Variants in GTF2H5 observed in about 807,000 individuals in gnomAD.
The protein encoded by GTF2H5 is general transcription factor IIH subunit 5, also known as TFB5 ortholog.
In GTF2H5, 5 loss-of-function variants were observed where a neutral mutation model predicts 7.1. The observed-to-expected ratio is 0.71, with a 90% CI of 0.37 to 1.49. The LOEUF (loss-of-function observed/expected upper bound fraction) is 1.49. Among genes scored for constraint, GTF2H5 ranks in the 40% most tolerant of loss-of-function variants. The pLI is 0.03. For synonymous variants in GTF2H5, 30 were observed against 31.7 expected (o/e 0.95, Z 0.18); for missense variants, 80 against 83.0 (o/e 0.96, Z 0.14).
intron 2 of GTF2H5, among the ~76,000 whole-genome samples, chr6:158,183,304 G>C (rs1786034482): frequency 6.6e-6 from 1 of 152,158 alleles, no homozygotes; most frequent in Admixed American, 6.5e-5. Flanking sequence ...AGCCCCTACT[G>C]GGAGGTGTCT....
rs71027386 is a variant in GTF2H5 at position 158,169,714 on chromosome 6, A to ATATATTG, written c.-34-750_-34-749insGTATATT. Reference sequence around the variant, plus strand: ...TATATTATATAATATATTGTATATTATATATTATATAATATATTGTATATT... The same window carrying ATATATTG: ...TATATTATATAATATATTGTATATTATATATTGTATATTATATAATATATTGTATATT... On this transcript the variant is annotated intron_variant, in intron 1 of 2. Coordinates refer to ENST00000607778, the MANE Select transcript of GTF2H5 (RefSeq NM_207118.3). Among the ~76,000 whole-genome samples the ATATATTG allele has an allele frequency of 4.1e-5, 2 of 48,584 alleles. 1 individual carries two copies. Among genetic ancestry groups the ATATATTG allele is most frequent in the East Asian group, 1.1e-3 (2 of 1,812 alleles). 31.9% of individuals were successfully genotyped at this position (48,584 alleles called of 152,430 possible). A position where few individuals can be genotyped will look rare whatever the true frequency, so the allele number is the denominator to read the frequency against.
rs1055973135 is a variant in GTF2H5 at position 158,179,014 on chromosome 6, AT to A, written c.35+8481del. Reference sequence around the variant, plus strand: ...TAAGTCTTTGATCCATCTTGAGTTGATTTTTGTATAAGGTGTAAGGAAAGGG... The same window carrying A: ...TAAGTCTTTGATCCATCTTGAGTTGATTTTGTATAAGGTGTAAGGAAAGGG... On this transcript the variant is annotated intron_variant, in intron 2 of 2. Transcript: ENST00000607778. Among the ~76,000 whole-genome samples, 22 of 152,206 alleles carry A rather than the reference AT, an allele frequency of 1.4e-4. 1 individual carries two copies. The South Asian group carries it at 2.5e-3, about 17-fold the overall frequency.
chr6:158,169,507 TTG>T (rs1318506762), intron 1 of GTF2H5, among the ~76,000 whole-genome samples: 3 of 57,952 alleles, frequency 5.2e-5, no homozygotes, highest in Non-Finnish European at 8.3e-5. Flanking sequence ...ATATAATATA[TTG>T]TATATTATAT....
At chr6:158,183,143 G>T (rs1282657011) in intron 2 of GTF2H5, among the ~76,000 whole-genome samples, 2 of 152,164 alleles carry the variant, frequency 1.3e-5, no homozygotes, top group African/African-American at 4.8e-5. Context: ...ACCCTCAGCT[G>T]CAGGTCTGTT....
Position 158,192,060 on chromosome 6 carries a change from ACACT to A in GTF2H5, c.123_126del (p.His42SerfsTer3). On this transcript the variant is annotated frameshift_variant, in exon 3 of 3. Coordinates refer to ENST00000607778, the MANE Select transcript of GTF2H5 (RefSeq NM_207118.3). LOFTEE classifies it high-confidence loss of function. ...AAGTTCATCATTCAAGACATTGATG[ACACT>A]CACGTCTTTGTAATAGCAGAATTGG... 1 of 1,613,026 alleles carries A rather than the reference ACACT, an allele frequency of 6.2e-7. No homozygotes were observed.
intron 2 of GTF2H5, among the ~76,000 whole-genome samples, chr6:158,175,189 A>G (rs535852649): frequency 1.3e-5 from 2 of 152,298 alleles, no homozygotes; most frequent in Admixed American, 6.5e-5. Context: ...GAGCCTCTCT[A>G]TTCCTACAGT....
In GTF2H5 at chr6:158,192,348, A is replaced by G. The variant is rs1777042230; in HGVS notation, c.*191A>G. 1.8e-6 allele frequency: 1 copy of G among 564,728 alleles called. No homozygotes were observed. Among genetic ancestry groups the G allele is most frequent in the Non-Finnish European group, 3.1e-6 (1 of 317,902 alleles). 35.0% of individuals were successfully genotyped at this position (564,728 alleles called of 1,614,324 possible). A position where few individuals can be genotyped will look rare whatever the true frequency, so the allele number is the denominator to read the frequency against. On this transcript the variant is annotated 3_prime_UTR_variant, in exon 3 of 3. Transcript: ENST00000607778. The stretch of plus-strand genomic sequence containing the variant: ...ATTTTGTTACCATAGAATTTAAAAA[A>G]AAAAAAAGCTTTAACAGTTGGCTGT...
At chr6:158,169,712 T>TTATATATTATATAATATATTGTATAA (rs1785797888) in intron 1 of GTF2H5, among the ~76,000 whole-genome samples, 3 of 67,860 alleles carry the variant, frequency 4.4e-5, no homozygotes, top group African/African-American at 7.9e-5. Flanking sequence ...ATATTGTATA[T>TTATATATTATATAATATATTGTATAA]TATATATTAT....
intron 2 of GTF2H5, among the ~76,000 whole-genome samples, chr6:158,182,452 T>A (rs1318349698): frequency 6.6e-6 from 1 of 152,228 alleles, no homozygotes; most frequent in Non-Finnish European, 1.5e-5. Flanking sequence ...TTCTCCTGGA[T>A]AATATCCTGA....
intron 2 of GTF2H5, among the ~76,000 whole-genome samples, chr6:158,171,817 T>C (rs1454977062): frequency 2.0e-5 from 3 of 152,154 alleles, no homozygotes; most frequent in African/African-American, 7.2e-5. Flanking sequence ...GACTAGAATG[T>C]ACGTTGATGA....
chr6:158,181,720 T>A (rs9365967), intron 2 of GTF2H5, among the ~76,000 whole-genome samples: 56,592 of 151,398 alleles, frequency 0.37, 11,809 homozygotes, highest in African/African-American at 0.55. Context: ...TTTGCTTTGC[T>A]TTCGCTTGGT....
intron 1 of GTF2H5, among the ~76,000 whole-genome samples, chr6:158,168,966 G>T (rs971563262): frequency 1.2e-4 from 18 of 151,946 alleles, no homozygotes; most frequent in Non-Finnish European, 1.8e-4. Context: ...TGGCGCGGTG[G>T]CTCACACCTG....
In GTF2H5 at chr6:158,197,912, C is replaced by A. The variant is rs1777137284; in HGVS notation, c.*5755C>A. On this transcript the variant is annotated 3_prime_UTR_variant, in exon 3 of 3. Transcript: ENST00000607778. Reference sequence around the variant, plus strand: ...GGTTAATTTCCCAGGACCCTCAGTTCTTTAGGGATAGACTGAATGGCTGGT... The same window carrying A: ...GGTTAATTTCCCAGGACCCTCAGTTATTTAGGGATAGACTGAATGGCTGGT... The A allele has an allele frequency of 6.6e-6, 1 of 152,194 alleles. No individual in the cohort carries two copies. The highest frequency in any genetic ancestry group is 1.5e-5 in the Non-Finnish European group (1 of 68,044). The allele number at this position is 152,194 out of a possible 1,614,324, so 9.4% of individuals were successfully genotyped here.
rs188232776 is a variant in GTF2H5, at chr6:158,169,550, T to A, written c.-34-920T>A. Among the ~76,000 whole-genome samples, 132 of 58,186 alleles carry A rather than the reference T, an allele frequency of 2.3e-3. 3 individuals are homozygous for A. The highest frequency in any genetic ancestry group is 5.4e-3 in the African/African-American group (71 of 13,156). 38.2% of individuals were successfully genotyped at this position (58,186 alleles called of 152,430 possible). On this transcript the variant is annotated intron_variant, in intron 1 of 2. Transcript: ENST00000607778. Reference sequence around the variant, plus strand: ...ATACAGTATATTATATATAATATACTGTATATTATATATAATATATTGTAT... The same window carrying A: ...ATACAGTATATTATATATAATATACAGTATATTATATATAATATATTGTAT...
At chr6:158,184,240 A>C (rs1308588006) in intron 2 of GTF2H5, among the ~76,000 whole-genome samples, 1 of 152,042 alleles carries the variant, frequency 6.6e-6, no homozygotes, top group African/African-American at 2.4e-5. Flanking sequence ...GGGACAAGAA[A>C]AGGAAAAAAA....
Position 158,196,046 on chromosome 6 carries a change from C to CCGAGG in GTF2H5, c.*3892_*3896dup, listed in dbSNP as rs1339324245. ...TCTATAATCCTAGCACTTTGGGAGG[C>CCGAGG]CGAGGCGGGCAAATCACAAGGTCAG... On this transcript the variant is annotated 3_prime_UTR_variant, in exon 3 of 3. Coordinates refer to ENST00000607778, the MANE Select transcript of GTF2H5 (RefSeq NM_207118.3). 6 of 152,108 alleles carry CCGAGG rather than the reference C, an allele frequency of 3.9e-5. No homozygotes were observed. The highest frequency in any genetic ancestry group is 8.8e-5 in the Non-Finnish European group (6 of 68,030). 9.4% of individuals were successfully genotyped at this position (152,108 alleles called of 1,614,324 possible).
At chr6:158,176,197 C>T (rs948950631) in intron 2 of GTF2H5, among the ~76,000 whole-genome samples, 4 of 152,130 alleles carry the variant, frequency 2.6e-5, no homozygotes, top group Non-Finnish European at 4.4e-5. Context: ...TATACTATCT[C>T]TCCATTATAA....
chr6:158,190,411 C>T (rs1168663600), intron 2 of GTF2H5, among the ~76,000 whole-genome samples: 6 of 152,168 alleles, frequency 3.9e-5, no homozygotes, highest in African/African-American at 9.7e-5. Context: ...TCCACTATTA[C>T]CACCTACATC....
chr6:158,187,286 G>A (rs1274393337), intron 2 of GTF2H5, among the ~76,000 whole-genome samples: 4 of 151,908 alleles, frequency 2.6e-5, no homozygotes, highest in Non-Finnish European at 5.9e-5. Flanking sequence ...GTGAGCCACC[G>A]CACCTGGCCC....
Sources: allele counts gnomAD v4.1 joint callset (sites outside exome capture counted in the v4.1 genomes callset), GRCh38; gene constraint gnomAD v4.1.1; transcripts MANE v1.5; gene names NCBI Gene and HGNC (gene_info 2026-07-23, HGNC 2026-07-21).